DYM: variants seen among roughly 807,000 people sequenced by gnomAD.
DYM encodes dymeclin, also known as dyggve-Melchior-Clausen syndrome protein.
Under a neutral mutation model 93.1 loss-of-function variants are expected in DYM, and 78 were observed. The ratio of observed to expected loss-of-function variants is 0.84; its 90% CI spans 0.70 to 1.01. The LOEUF is 1.01. DYM is among the 50% of genes least tolerant of loss of function. DYM has a pLI of 0.00. For missense variants in DYM, 789 were observed against 845.0 expected, an observed-to-expected ratio of 0.93 and a Z score of 0.82; for synonymous variants, 321 against 319.7, an observed-to-expected ratio of 1.00 and a Z score of -0.04.
intron 8 of DYM, among the ~76,000 whole-genome samples, chr18:49,302,356 T>C (rs201572422): frequency 7.7e-6 from 1 of 129,422 alleles, no homozygotes; most frequent in African/African-American, 2.5e-5. Flanking sequence ...TTCAGATGAT[T>C]ATTAATATTT....
chr18:49,371,768 G>A (rs975783306), intron 5 of DYM, among the ~76,000 whole-genome samples: 3 of 152,290 alleles, frequency 2.0e-5, no homozygotes, highest in African/African-American at 7.2e-5. Context: ...TCAAACGCAT[G>A]GACTAATGGA....
chr18:49,202,912 C>A (rs1216635256), intron 14 of DYM, among the ~76,000 whole-genome samples: 1 of 136,572 alleles, frequency 7.3e-6, no homozygotes, highest in East Asian at 2.5e-4. Flanking sequence ...TGGGGGGGGT[C>A]AGCCCCCCGC....
chr18:49,451,053 G>A (rs534864582), intron 1 of DYM, among the ~76,000 whole-genome samples: 1 of 152,308 alleles, frequency 6.6e-6, no homozygotes, highest in South Asian at 2.1e-4. Flanking sequence ...ACTACACTCA[G>A]AAAGCTAAAG....
intron 1 of DYM, among the ~76,000 whole-genome samples, chr18:49,437,831 T>C (rs998469500): frequency 6.6e-6 from 1 of 152,234 alleles, no homozygotes; most frequent in Non-Finnish European, 1.5e-5. Flanking sequence ...CATTACCTGC[T>C]CATATCCTAT....
intron 11 of DYM, among the ~76,000 whole-genome samples, chr18:49,271,018 G>T (rs898540961): frequency 2.0e-5 from 3 of 152,054 alleles, no homozygotes; most frequent in African/African-American, 7.2e-5. Flanking sequence ...GTACAACAAG[G>T]TACAGTAAGT....
rs2085930957 is a variant in DYM at position 49,152,482 on chromosome 18, C to G, written c.1728+11203G>C. ...TTCATAAGGAAAAAAGTGGTAGGGT[C>G]AGGGGGGATGAGGAGTTTGCTTACT... On this transcript the variant is annotated intron_variant, in intron 15 of 17. Coordinates refer to ENST00000675505, the MANE Select transcript of DYM (RefSeq NM_001353214.3). Among the ~76,000 whole-genome samples, 5 of 152,202 alleles carry G rather than the reference C, an allele frequency of 3.3e-5. 1 individual carries two copies. In the South Asian group the frequency reaches 1.0e-3, roughly 32 times the overall value.
intron 5 of DYM, among the ~76,000 whole-genome samples, chr18:49,370,768 A>C (rs2066963756): frequency 6.6e-6 from 1 of 152,356 alleles, no homozygotes; most frequent in South Asian, 2.1e-4. Context: ...CTCTGTCTCC[A>C]AAATAAAAGA....
intron 11 of DYM, 69 bp from the exon 12 acceptor site, chr18:49,258,562 A>G (rs2094431939): frequency 1.0e-6 from 1 of 988,930 alleles, no homozygotes. Context: ...CTCCATGTCC[A>G]CAATTTTTGA....
intron 2 of DYM, among the ~76,000 whole-genome samples, chr18:49,423,754 G>T (rs2073976481): frequency 6.6e-6 from 1 of 152,122 alleles, no homozygotes; most frequent in African/African-American, 2.4e-5. Flanking sequence ...TACCATCAGA[G>T]AATACTATAA....
At chr18:49,105,713 C>T (rs889379356) in intron 16 of DYM, among the ~76,000 whole-genome samples, 52 of 152,244 alleles carry the variant, frequency 3.4e-4, no homozygotes, top group Admixed American at 5.2e-4. Flanking sequence ...TGTAGTTGAG[C>T]GGTTTTGAGT....
chr18:49,068,275 G>A (rs748931438), intron 17 of DYM, among the ~76,000 whole-genome samples: 4 of 152,160 alleles, frequency 2.6e-5, no homozygotes, highest in African/African-American at 4.8e-5. Flanking sequence ...GACCTTGGAT[G>A]AGGCAATTCT....
chr18:49,334,784 A>G (rs893556683), intron 6 of DYM, among the ~76,000 whole-genome samples: 1 of 152,210 alleles, frequency 6.6e-6, no homozygotes, highest in Non-Finnish European at 1.5e-5. Flanking sequence ...ATTCTACCAG[A>G]TATCTTAAGG....
At chr18:49,206,020 G>A (rs567260631) in intron 14 of DYM, 39 of 39,560 alleles carry the variant, frequency 9.9e-4, no homozygotes, top group Non-Finnish European at 1.7e-3. Flanking sequence ...TGTTTTTTGC[G>A]GAGTCTTGCT....
chr18:49,417,172 G>A (rs1257093020), intron 2 of DYM, among the ~76,000 whole-genome samples: 1 of 152,162 alleles, frequency 6.6e-6, no homozygotes, highest in Non-Finnish European at 1.5e-5. Context: ...GTTTGAGACA[G>A]GGTCTTGTTC....
chr18:49,047,434 G>A (rs2071742782), intron 17 of DYM, among the ~76,000 whole-genome samples: 1 of 152,248 alleles, frequency 6.6e-6, no homozygotes, highest in Non-Finnish European at 1.5e-5. Context: ...GGCTGACAAA[G>A]TTTGATCAGC....
chr18:49,216,188 G>A (rs1380207186), intron 13 of DYM, among the ~76,000 whole-genome samples: 5 of 152,196 alleles, frequency 3.3e-5, no homozygotes, highest in South Asian at 2.1e-4. Flanking sequence ...AGGTGGCAGC[G>A]AGGCTGGGGG....
intron 11 of DYM, among the ~76,000 whole-genome samples, chr18:49,271,027 G>C (rs1247821361): frequency 6.6e-6 from 1 of 152,148 alleles, no homozygotes; most frequent in East Asian, 1.9e-4. Context: ...GGTACAGTAA[G>C]TAAGACCTGC....
chr18:49,039,004 C>T lies in DYM; in HGVS notation c.*5051G>A, dbSNP rs2070806222. 6.6e-6 allele frequency among the ~76,000 whole-genome samples: 1 copy of T among 152,144 alleles called. No homozygotes were observed. Among genetic ancestry groups the T allele is most frequent in the Non-Finnish European group, 1.5e-5 (1 of 68,004 alleles). On this transcript the variant is annotated 3_prime_UTR_variant, in exon 18 of 18. Coordinates refer to ENST00000675505, the MANE Select transcript of DYM (RefSeq NM_001353214.3). ...GTAGTCAATATTTATGTGTCATTTT[C>T]ATTGCTCTTCAATCTTTCCTAGGGC...
intron 16 of DYM, among the ~76,000 whole-genome samples, chr18:49,117,450 C>T (rs751984662): frequency 7.9e-5 from 12 of 152,088 alleles, no homozygotes; most frequent in Non-Finnish European, 1.5e-4. Context: ...TTAATACATC[C>T]TATGTGTTTC....
Sources: allele counts gnomAD v4.1 joint callset (sites outside exome capture counted in the v4.1 genomes callset), GRCh38; gene constraint gnomAD v4.1.1; transcripts MANE v1.5; gene names NCBI Gene and HGNC (gene_info 2026-07-23, HGNC 2026-07-21).